Variants in STX17 observed in about 807,000 individuals in gnomAD.
STX17 encodes syntaxin-17.
Under a neutral mutation model 35.9 loss-of-function variants are expected in STX17, and 29 were observed. The ratio of observed to expected loss-of-function variants is 0.81; its 90% confidence interval spans 0.60 to 1.10. The LOEUF is 1.10. Among genes scored for constraint, STX17 ranks in the 50% least tolerant of loss-of-function variants. The pLI is 0.00. For missense variants in STX17, 312 were observed against 352.3 expected (o/e 0.89, Z 0.92); for synonymous variants, 92 against 118.3 (o/e 0.78, Z 1.44).
chr9:99,945,462 T>C (rs1341590156), intron 3 of STX17, among the ~76,000 whole-genome samples: 1 of 152,164 alleles, frequency 6.6e-6, no homozygotes, highest in Admixed American at 6.5e-5. Context: ...ATCTTTTTCA[T>C]CTTCTTACAT....
chr9:99,959,333 G>A (rs949886658), intron 4 of STX17, among the ~76,000 whole-genome samples: 7 of 151,802 alleles, frequency 4.6e-5, no homozygotes, highest in Middle Eastern at 3.4e-3. Flanking sequence ...AGTTGAGGCC[G>A]GGAGTTCAAG....
At chr9:99,940,723 C>A (rs1433303471) in intron 3 of STX17, among the ~76,000 whole-genome samples, 1 of 152,122 alleles carries the variant, frequency 6.6e-6, no homozygotes, top group African/African-American at 2.4e-5. Context: ...TCAGGCAGTC[C>A]GCCTGACTCA....
At chr9:99,910,802 C>G (rs185917562) in intron 1 of STX17, among the ~76,000 whole-genome samples, 1 of 152,072 alleles carries the variant, frequency 6.6e-6, no homozygotes, top group Non-Finnish European at 1.5e-5. Context: ...TATGTTTGTA[C>G]CCATTAATCA....
intron 3 of STX17, among the ~76,000 whole-genome samples, chr9:99,942,799 T>TCCCA (rs1829393549): frequency 6.6e-6 from 1 of 152,210 alleles, no homozygotes; most frequent in Non-Finnish European, 1.5e-5. Context: ...TCATTTTTTT[T>TCCCA]CCCATCATTG....
intron 1 of STX17, among the ~76,000 whole-genome samples, chr9:99,910,285 C>T (rs1828634092): frequency 6.6e-6 from 1 of 151,430 alleles, no homozygotes; most frequent in Admixed American, 6.6e-5. Context: ...GATAAATCCA[C>T]CCTGTTAGTA....
intron 2 of STX17, among the ~76,000 whole-genome samples, chr9:99,920,824 TA>T (rs1828870650): frequency 6.6e-6 from 1 of 152,362 alleles, no homozygotes; most frequent in Non-Finnish European, 1.5e-5. Context: ...TTTAATAGTG[TA>T]TCCTAATTTA....
chr9:99,911,672 C>G (rs1828667380), intron 1 of STX17, among the ~76,000 whole-genome samples: 1 of 152,056 alleles, frequency 6.6e-6, no homozygotes. Context: ...CAGGCTCACA[C>G]TTTAGGGCTC....
intron 3 of STX17, among the ~76,000 whole-genome samples, chr9:99,934,944 G>A (rs1829199680): frequency 6.6e-6 from 1 of 151,464 alleles, no homozygotes; most frequent in Non-Finnish European, 1.5e-5. Context: ...AGAAGTTTTG[G>A]GACATTACTG....
chr9:99,950,036 A>T (rs1266485019), intron 3 of STX17, among the ~76,000 whole-genome samples: 1 of 151,970 alleles, frequency 6.6e-6, no homozygotes, highest in African/African-American at 2.4e-5. Context: ...AATTATATAT[A>T]TTGACTAGAA....
intron 2 of STX17, among the ~76,000 whole-genome samples, chr9:99,922,761 G>A (rs10121880): frequency 0.69 from 104,784 of 152,074 alleles, 36,369 homozygotes; most frequent in African/African-American, 0.72. Flanking sequence ...TTGAAGAAGG[G>A]AGAAGTGGGA....
intron 3 of STX17, among the ~76,000 whole-genome samples, chr9:99,950,610 A>AT: frequency 6.6e-6 from 1 of 151,984 alleles, no homozygotes; most frequent in East Asian, 1.9e-4. Context: ...ATTGTTGAGT[A>AT]TGGAATGGCA....
intron 3 of STX17, 21 bp from the exon 4 acceptor site, chr9:99,951,039 A>G (rs758140816): frequency 7.6e-6 from 12 of 1,576,860 alleles, no homozygotes; most frequent in Admixed American, 3.7e-5. Flanking sequence ...TGGTGGCATT[A>G]ATGATTTTTT....
At chr9:99,962,001 T>C (rs1829836163) in intron 6 of STX17, among the ~76,000 whole-genome samples, 1 of 152,190 alleles carries the variant, frequency 6.6e-6, no homozygotes, top group Non-Finnish European at 1.5e-5. Flanking sequence ...AATTTTGCCT[T>C]CTTTCCATAT....
Position 99,968,747 on chromosome 9 carries a change from C to T in STX17, c.*74C>T, listed in dbSNP as rs1587945264. The stretch of plus-strand genomic sequence containing the variant: ...TTTGCTGCTGTTGGACACTCCGTCA[C>T]CTTTTGGAACACAAGTATATCAAGA... On this transcript the variant is annotated 3_prime_UTR_variant, in exon 8 of 8. Transcript: ENST00000259400. The T allele has an allele frequency of 9.7e-6, 15 of 1,548,760 alleles. No individual in the cohort carries two copies. The highest frequency in any genetic ancestry group is 6.9e-5 in the African/African-American group (5 of 72,976).
chr9:99,948,599 T>C (rs1277572635), intron 3 of STX17, among the ~76,000 whole-genome samples: 2 of 152,160 alleles, frequency 1.3e-5, no homozygotes, highest in East Asian at 1.9e-4. Context: ...ATAATAGTAA[T>C]ATCCATTTCA....
At chr9:99,909,331 A>G (rs1828615625) in intron 1 of STX17, among the ~76,000 whole-genome samples, 1 of 152,124 alleles carries the variant, frequency 6.6e-6, no homozygotes, top group African/African-American at 2.4e-5. Flanking sequence ...TATCATGGCT[A>G]TGCATATTGT....
chr9:99,925,988 A>G (rs530350182), intron 2 of STX17, among the ~76,000 whole-genome samples: 37 of 151,820 alleles, frequency 2.4e-4, no homozygotes, highest in Admixed American at 2.2e-3. Flanking sequence ...GCCCATGACT[A>G]TTGATCTTGG....
chr9:99,946,859 G>A (rs1829493352), intron 3 of STX17, among the ~76,000 whole-genome samples: 1 of 152,056 alleles, frequency 6.6e-6, no homozygotes, highest in African/African-American at 2.4e-5. Flanking sequence ...TAATCTTACT[G>A]TTTCTTTGCA....
rs1997368 is a variant in STX17, at chr9:99,951,298, G to C, written c.415+13G>C. ...ATGACTGTTGGTGGTAATGTATTGTGCTAAGTCTTATTCTCAGTCACAGTA... is the reference window on the plus strand; with the variant it reads ...ATGACTGTTGGTGGTAATGTATTGTCCTAAGTCTTATTCTCAGTCACAGTA... On this transcript the variant is annotated intron_variant, in intron 4 of 7. Transcript: ENST00000259400. 3 of 1,610,512 alleles carry C rather than the reference G, an allele frequency of 1.9e-6. No homozygotes were observed. The South Asian group carries it at 3.3e-5, about 18-fold the overall frequency.
Sources: gnomAD v4.1 joint callset for allele counts (sites outside exome capture counted in the v4.1 genomes callset) on GRCh38, gnomAD v4.1.1 for gene constraint, MANE v1.5 for transcripts, NCBI Gene and HGNC (gene_info 2026-07-23, HGNC 2026-07-21) for gene names.